LRRIQ1: variants seen among roughly 807,000 people sequenced by gnomAD.
LRRIQ1 encodes the protein leucine-rich repeat- and IQ domain-containing protein 1.
Under a neutral mutation model 211.9 loss-of-function variants are expected in LRRIQ1, and 210 were observed. The ratio of observed to expected loss-of-function variants is 0.99; its 90% CI spans 0.89 to 1.11. The LOEUF is 1.11. Ranked by LOEUF, LRRIQ1 falls within the 50% of genes most tolerant of loss-of-function variation. The pLI, the probability that LRRIQ1 is intolerant of heterozygous loss-of-function variation, is 0.00. For missense variants in LRRIQ1, 2,136 were observed against 1,939.5 expected, an observed-to-expected ratio of 1.10 and a Z score of -1.90; for synonymous variants, 699 against 650.1, an observed-to-expected ratio of 1.08 and a Z score of -1.14.
chr12:85,083,071 TAA>T (rs1225044095), intron 11 of LRRIQ1, among the ~76,000 whole-genome samples: 2 of 152,202 alleles, frequency 1.3e-5, no homozygotes, highest in East Asian at 3.9e-4. Context: ...AGATTCGGGA[TAA>T]GAGATTTAAC....
exon 2 of LRRIQ1, chr12:85,263,120 A>G: frequency 1.1e-6 from 1 of 949,886 alleles, no homozygotes; most frequent in East Asian, 1.2e-4. Context: ...CTGGATATCT[A>G]GTCATGTTAC....
At chr12:85,242,980 T>C (rs1895532906) in intron 26 of LRRIQ1, among the ~76,000 whole-genome samples, 1 of 151,814 alleles carries the variant, frequency 6.6e-6, no homozygotes, top group African/African-American at 2.4e-5. Context: ...TTTGTCTTAT[T>C]TAGGGGAGAG....
intron 22 of LRRIQ1, 52 bp downstream of exon 22, chr12:85,153,810 AG>A: frequency 1.7e-6 from 2 of 1,145,076 alleles, no homozygotes; most frequent in Non-Finnish European, 2.5e-6. Context: ...GATTGCTAAA[AG>A]TCCAAGACAG....
chr12:85,099,084 C>A, intron 13 of LRRIQ1, 90 bp downstream of exon 13: 1 of 806,650 alleles, frequency 1.2e-6, no homozygotes, highest in Non-Finnish European at 1.8e-6. Context: ...TTAGATTTCT[C>A]TAATAATTCA....
rs1295597914 is a variant in LRRIQ1 at position 85,082,046 on chromosome 12, T to C, written c.2887+8948T>C. Among the ~76,000 whole-genome samples, 9 of 152,198 alleles carry C rather than the reference T, an allele frequency of 5.9e-5. No individual in the cohort carries two copies. The South Asian group carries it at 1.7e-3, about 28-fold the overall frequency. Reference sequence around the variant, plus strand: ...CCTCTTCTTTTATTAAAACTTTGACTCACTTTTCTTCCTTTTGATGTAGAT... The same window carrying C: ...CCTCTTCTTTTATTAAAACTTTGACCCACTTTTCTTCCTTTTGATGTAGAT... On this transcript the variant is annotated intron_variant, in intron 11 of 26. Transcript: ENST00000393217.
At chr12:85,197,132 C>T (rs1007076080) in intron 24 of LRRIQ1, among the ~76,000 whole-genome samples, 6 of 152,144 alleles carry the variant, frequency 3.9e-5, no homozygotes, top group Non-Finnish European at 7.4e-5. Flanking sequence ...AATGAGATAC[C>T]ATCTCACACC....
rs142512891 is a variant in LRRIQ1 at position 85,075,381 on chromosome 12, G to A, written c.2887+2283G>A. ...AAGAAAAGAGGTTTAATTGGCTCAT[G>A]GTTCTGCAGGCTTTACAGGAAGCAT... On this transcript the variant is annotated intron_variant, in intron 11 of 26. Coordinates refer to ENST00000393217, the MANE Select transcript of LRRIQ1 (RefSeq NM_001079910.2). Among the ~76,000 whole-genome samples, 62 of 152,122 alleles carry A rather than the reference G, an allele frequency of 4.1e-4. 1 individual carries two copies. Among genetic ancestry groups the A allele is most frequent in the African/African-American group, 1.3e-3 (56 of 41,522 alleles).
chr12:85,139,804 GA>G (rs1889390783), intron 19 of LRRIQ1, among the ~76,000 whole-genome samples: 1 of 151,332 alleles, frequency 6.6e-6, no homozygotes, highest in East Asian at 1.9e-4. Flanking sequence ...ATTAGGTTAG[GA>G]AACTGCTTTT....
intron 26 of LRRIQ1, among the ~76,000 whole-genome samples, chr12:85,235,671 G>A (rs775262992): frequency 8.4e-4 from 128 of 152,206 alleles, no homozygotes; most frequent in Non-Finnish European, 1.6e-3. Context: ...TGACTCAGTT[G>A]TTAAATATGA....
intron 24 of LRRIQ1, among the ~76,000 whole-genome samples, chr12:85,171,486 A>G (rs1428254006): frequency 6.6e-6 from 1 of 152,204 alleles, no homozygotes; most frequent in Non-Finnish European, 1.5e-5. Context: ...ATCGAAGACA[A>G]AGACAGAAAT....
At chr12:85,188,397 C>T (rs1291710173) in intron 24 of LRRIQ1, among the ~76,000 whole-genome samples, 1 of 152,054 alleles carries the variant, frequency 6.6e-6, no homozygotes, top group East Asian at 1.9e-4. Flanking sequence ...GCATAAACAG[C>T]ATAATAAATG....
rs1332121642 is a variant in LRRIQ1 at position 85,056,470 on chromosome 12, T to C, written c.1677T>C (p.His559=). 2.5e-6 allele frequency: 4 copies of C among 1,610,492 alleles called. No individual in the cohort carries two copies. The highest frequency in any genetic ancestry group is 1.3e-5 in the African/African-American group (1 of 74,618). The change falls in exon 8 of 27, where the codon CAT becomes CAC. Residue 559 remains histidine (H), a synonymous_variant. Coordinates refer to ENST00000393217, the MANE Select transcript of LRRIQ1 (RefSeq NM_001079910.2). ...TGQKTQIILG[H]NQEISEVKTN... ...AAAAAACCCAGATAATATTAGGACA[T>C]AACCAAGAAATCAGTGAGGTGAAAA...
intron 17 of LRRIQ1, among the ~76,000 whole-genome samples, chr12:85,125,205 A>T (rs1053253412): frequency 2.0e-5 from 3 of 151,932 alleles, no homozygotes; most frequent in Non-Finnish European, 4.4e-5. Flanking sequence ...ACAAAATAAA[A>T]ATATATATAT....
At chr12:85,148,270 A>G (rs1890022124) in intron 19 of LRRIQ1, among the ~76,000 whole-genome samples, 1 of 151,442 alleles carries the variant, frequency 6.6e-6, no homozygotes, top group Non-Finnish European at 1.5e-5. Context: ...CACTGCACCT[A>G]TTGACCTGTC....
intron 24 of LRRIQ1, among the ~76,000 whole-genome samples, chr12:85,214,234 C>T (rs1383998390): frequency 6.6e-6 from 1 of 151,876 alleles, no homozygotes; most frequent in Non-Finnish European, 1.5e-5. Context: ...TAAAGAAAAG[C>T]TTTAAGTATA....
chr12:85,041,280 T>C (rs1353029750), intron 3 of LRRIQ1, among the ~76,000 whole-genome samples: 1 of 151,830 alleles, frequency 6.6e-6, no homozygotes, highest in Admixed American at 6.6e-5. Flanking sequence ...TAGAATGTGT[T>C]CTAGTCACTA....
chr12:85,271,923 C>T, the LRRIQ1 span, among the ~76,000 whole-genome samples: 1 of 151,998 alleles, frequency 6.6e-6, no homozygotes, highest in Admixed American at 6.6e-5. Flanking sequence ...ACAGTAAGTA[C>T]AAAATATATA....
chr12:85,121,946 A>T lies in LRRIQ1; in HGVS notation c.3557+70A>T, dbSNP rs1888019008. The T allele has an allele frequency of 1.4e-5, 18 of 1,269,780 alleles. No individual in the cohort carries two copies. In the South Asian group the frequency reaches 3.4e-4, roughly 24 times the overall value. The allele number at this position is 1,269,780 out of a possible 1,614,324, so 78.7% of individuals were successfully genotyped here. A position where few individuals can be genotyped will look rare whatever the true frequency, so the allele number is the denominator to read the frequency against. ...TAATTTATAAATGTGATTTTAAAGT[A>T]TTCTGATTAACACAATTATACTTTT... is the stretch of plus-strand genomic sequence containing the variant. On this transcript the variant is annotated intron_variant, in intron 16 of 26. Transcript: ENST00000393217.
At chr12:85,125,112 G>A (rs2136452419) in intron 17 of LRRIQ1, among the ~76,000 whole-genome samples, 1 of 152,226 alleles carries the variant, frequency 6.6e-6, no homozygotes, top group East Asian at 1.9e-4. Flanking sequence ...CCGGGAGGTG[G>A]AGGTTGCAGT....
Sources: gnomAD v4.1 joint callset for allele counts (sites outside exome capture counted in the v4.1 genomes callset) on GRCh38, gnomAD v4.1.1 for gene constraint, MANE v1.5 for transcripts, NCBI Gene and HGNC (gene_info 2026-07-23, HGNC 2026-07-21) for gene names.